The following RORA variants were observed in gnomAD, a reference collection of about 807,000 sequenced individuals.
The protein encoded by RORA is nuclear receptor ROR-alpha.
Under a neutral mutation model 69.5 loss-of-function variants are expected in RORA, and 7 were observed. The ratio of observed to expected loss-of-function variants is 0.10; its 90% CI spans 0.06 to 0.19. The LOEUF is 0.19. Ranked by LOEUF, RORA falls within the 10% of genes least tolerant of loss-of-function variation. The pLI is 1.00. For missense variants in RORA, 457 were observed against 663.0 expected (o/e 0.69, Z 3.41); for synonymous variants, 261 against 240.8 (o/e 1.08, Z -0.78).
chr15:60,676,854 G>A (rs1187789375), intron 2 of RORA, among the ~76,000 whole-genome samples: 1 of 152,224 alleles, frequency 6.6e-6, no homozygotes, highest in African/African-American at 2.4e-5. Context: ...TCTCAGGGAT[G>A]ACAGTTCCTC....
chr15:61,098,068 C>T (rs2078817929), intron 1 of RORA, among the ~76,000 whole-genome samples: 1 of 151,250 alleles, frequency 6.6e-6, no homozygotes, highest in Non-Finnish European at 1.5e-5. Context: ...CTTAATCCTT[C>T]CTTCCTTCCC....
At chr15:60,898,748 C>T (rs948739341) in intron 1 of RORA, among the ~76,000 whole-genome samples, 1 of 151,974 alleles carries the variant, frequency 6.6e-6, no homozygotes, top group Non-Finnish European at 1.5e-5. Context: ...CTTCAGAAAA[C>T]AAGGCAATGC....
chr15:60,913,096 C>A (rs995113141), intron 1 of RORA, among the ~76,000 whole-genome samples: 1 of 152,180 alleles, frequency 6.6e-6, no homozygotes, highest in African/African-American at 2.4e-5. Flanking sequence ...GATAATCTGC[C>A]TAAAGTAGGC....
intron 2 of RORA, chr15:60,598,420 G>C (rs998726548): frequency 1.3e-5 from 2 of 152,126 alleles, no homozygotes; most frequent in Non-Finnish European, 2.9e-5. Flanking sequence ...CCCTGAGACA[G>C]TAAGACTAAC....
intron 1 of RORA, among the ~76,000 whole-genome samples, chr15:60,897,078 C>T (rs756259937): frequency 3.9e-5 from 6 of 151,926 alleles, no homozygotes; most frequent in Non-Finnish European, 5.9e-5. Context: ...GAGACGTTTT[C>T]GATGTTGTTT....
intron 2 of RORA, among the ~76,000 whole-genome samples, chr15:60,660,260 C>T (rs184266724): frequency 6.6e-6 from 1 of 152,298 alleles, no homozygotes; most frequent in East Asian, 1.9e-4. Flanking sequence ...TTTGAAATGT[C>T]TTATTCTATG....
At chr15:60,993,818 C>T (rs1461680799) in intron 1 of RORA, among the ~76,000 whole-genome samples, 1 of 152,128 alleles carries the variant, frequency 6.6e-6, no homozygotes, top group Non-Finnish European at 1.5e-5. Context: ...TAGACACCCA[C>T]AAACAGTGCT....
chr15:60,797,451 A>G (rs2072514489), intron 1 of RORA, among the ~76,000 whole-genome samples: 1 of 152,150 alleles, frequency 6.6e-6, no homozygotes, highest in Non-Finnish European at 1.5e-5. Flanking sequence ...ATGATTCCTA[A>G]TAAGTCCCAA....
chr15:60,821,828 A>G (rs757003846), intron 1 of RORA, among the ~76,000 whole-genome samples: 3 of 152,232 alleles, frequency 2.0e-5, no homozygotes, highest in Admixed American at 1.3e-4. Flanking sequence ...TCCCATGTGA[A>G]TAAGTGAGAG....
intron 1 of RORA, among the ~76,000 whole-genome samples, chr15:61,009,152 A>G (rs1321908629): frequency 6.6e-6 from 1 of 152,224 alleles, no homozygotes; most frequent in African/African-American, 2.4e-5. Flanking sequence ...CAGCTCTTCA[A>G]TGCCATCGCT....
At chr15:60,574,459 C>G (rs1225001828) in intron 2 of RORA, among the ~76,000 whole-genome samples, 1 of 152,188 alleles carries the variant, frequency 6.6e-6, no homozygotes, top group Non-Finnish European at 1.5e-5. Context: ...CTGACCAGAC[C>G]ACATAACTCA....
chr15:60,990,816 C>T (rs915805383), intron 1 of RORA, among the ~76,000 whole-genome samples: 8 of 151,984 alleles, frequency 5.3e-5, no homozygotes, highest in Non-Finnish European at 1.2e-4. Flanking sequence ...TTGAGGGTGC[C>T]AAGCATGAAA....
intron 1 of RORA, among the ~76,000 whole-genome samples, chr15:61,159,387 T>C (rs958248006): frequency 2.0e-5 from 3 of 152,200 alleles, no homozygotes; most frequent in Non-Finnish European, 4.4e-5. Flanking sequence ...CTTCCAATTT[T>C]TTTTACTTAC....
At chr15:60,688,754 A>G (rs1016940473) in intron 1 of RORA, among the ~76,000 whole-genome samples, 63 of 152,354 alleles carry the variant, frequency 4.1e-4, no homozygotes, top group African/African-American at 1.5e-3. Context: ...TATTTTACAC[A>G]GTGCTCGAGA....
chr15:60,580,699 T>G (rs2068167318), intron 2 of RORA, among the ~76,000 whole-genome samples: 1 of 152,206 alleles, frequency 6.6e-6, no homozygotes, highest in South Asian at 2.1e-4. Flanking sequence ...TGAAAGGAGC[T>G]CTGGGAGCTC....
chr15:60,700,091 TAGG>T (rs1425875724), intron 1 of RORA, among the ~76,000 whole-genome samples: 1 of 152,132 alleles, frequency 6.6e-6, no homozygotes, highest in Non-Finnish European at 1.5e-5. Flanking sequence ...TTGTGCTCAT[TAGG>T]AGAAGTAGTG....
chr15:61,065,826 T>C (rs1265429284), intron 1 of RORA, among the ~76,000 whole-genome samples: 1 of 152,212 alleles, frequency 6.6e-6, no homozygotes, highest in Non-Finnish European at 1.5e-5. Flanking sequence ...CTAACTTTCA[T>C]GCAAGACTCT....
intron 1 of RORA, among the ~76,000 whole-genome samples, chr15:60,776,121 T>G (rs1595706161): frequency 6.6e-6 from 1 of 152,106 alleles, no homozygotes; most frequent in South Asian, 2.1e-4. Flanking sequence ...TAGAATTGAG[T>G]GTAGACAGCA....
At chr15:60,634,148 G>GT (rs1209256959) in intron 2 of RORA, among the ~76,000 whole-genome samples, 1 of 152,138 alleles carries the variant, frequency 6.6e-6, no homozygotes, top group Non-Finnish European at 1.5e-5. Flanking sequence ...TTAATATTAT[G>GT]TTTTTCTGTA....
Sources: allele counts gnomAD v4.1 joint callset (sites outside exome capture counted in the v4.1 genomes callset), GRCh38; gene constraint gnomAD v4.1.1; transcripts MANE v1.5; gene names NCBI Gene and HGNC (gene_info 2026-07-23, HGNC 2026-07-21).